The following RB1 variants were observed in gnomAD, a reference collection of about 807,000 sequenced individuals.
RB1 encodes RB transcriptional corepressor 1.
In RB1, 18 loss-of-function variants were observed where a neutral mutation model predicts 135.4. That is an observed-to-expected ratio of 0.13 (90% CI 0.09 to 0.20). The LOEUF is 0.20. Among genes scored for constraint, RB1 ranks in the 10% least tolerant of loss-of-function variants. The pLI, the probability that RB1 is intolerant of heterozygous loss-of-function variation, is 1.00. For synonymous variants in RB1, 365 were observed against 373.2 expected (o/e 0.98, Z 0.25); for missense variants, 868 against 1,110.0 (o/e 0.78, Z 3.10).
intron 2 of RB1, among the ~76,000 whole-genome samples, chr13:48,337,815 T>A (rs1593431502): frequency 1.3e-5 from 2 of 152,250 alleles, no homozygotes; most frequent in African/African-American, 4.8e-5. Context: ...CAGTGGCTGG[T>A]ACCAGCTGTT....
chr13:48,473,507 T>G (rs1220474774), intron 24 of RB1, 117 bp downstream of exon 24: 1 of 813,738 alleles, frequency 1.2e-6, no homozygotes, highest in East Asian at 2.5e-5. Flanking sequence ...TCCAGGCATA[T>G]TGCATAGAAT....
chr13:48,400,962 C>G (rs1409746660), intron 17 of RB1, among the ~76,000 whole-genome samples: 1 of 152,098 alleles, frequency 6.6e-6, no homozygotes, highest in African/African-American at 2.4e-5. Context: ...CCCCCATCAC[C>G]TTCTCAAAAT....
At chr13:48,316,879 C>T (rs1337325174) in intron 2 of RB1, 4 of 330,112 alleles carry the variant, frequency 1.2e-5, no homozygotes, top group African/African-American at 4.4e-5. Flanking sequence ...GCTGAGCTGC[C>T]GCCACTGTCC....
At chr13:48,335,048 G>A (rs1052332136) in intron 2 of RB1, among the ~76,000 whole-genome samples, 7 of 152,108 alleles carry the variant, frequency 4.6e-5, no homozygotes, top group East Asian at 1.9e-4. Flanking sequence ...AAAACTGTTC[G>A]TAATCCTACC....
chr13:48,359,136 G>T (rs1030732218), intron 6 of RB1, among the ~76,000 whole-genome samples: 2 of 151,968 alleles, frequency 1.3e-5, no homozygotes, highest in Non-Finnish European at 2.9e-5. Context: ...ATGACATGGA[G>T]CCATAAGCAA....
intron 17 of RB1, chr13:48,416,535 G>T (rs1273769789): frequency 2.0e-5 from 3 of 152,618 alleles, no homozygotes; most frequent in African/African-American, 7.2e-5. Context: ...CTAGCTGCAG[G>T]ATTTTTTCTT....
intron 6 of RB1, among the ~76,000 whole-genome samples, chr13:48,354,900 C>A (rs1039355381): frequency 6.6e-6 from 1 of 151,964 alleles, no homozygotes. Context: ...TATCTGTCAC[C>A]ATATACAAAA....
Position 48,436,661 on chromosome 13 carries a change from T to A in RB1, c.1696-16332T>A, listed in dbSNP as rs567734108. 3.3e-5 allele frequency among the ~76,000 whole-genome samples: 5 copies of A among 151,576 alleles called. No individual in the cohort carries two copies. In the South Asian group the frequency reaches 1.0e-3, roughly 32 times the overall value. ...TCTCTCTTAAAAAAAAAAATCATGA[T>A]AGTGGCTCAGCCAGCATATGTATTG... On this transcript the variant is annotated intron_variant, in intron 17 of 26. Transcript: ENST00000267163.
rs929113315 is a variant in RB1, at chr13:48,319,153, A to G, written c.264+11747A>G. 5.6e-5 allele frequency: 34 copies of G among 602,154 alleles called. 1 individual carries two copies. The highest frequency in any genetic ancestry group is 5.5e-4 in the South Asian group (34 of 61,912). 37.3% of individuals were successfully genotyped at this position (602,154 alleles called of 1,614,324 possible). On this transcript the variant is annotated intron_variant, in intron 2 of 26. Transcript: ENST00000267163. This position sits in a 1 kb window ranked among gnomAD's most constrained non-coding sequence, Gnocchi z 5.0. ...TGGTTTCCTTCGGGAGCTTGTGGGG[A>G]ATGGTCAGCGTCTAGGCACCCCGGG...
rs370734130 is a variant in RB1 at position 48,412,465 on chromosome 13, C to G, written c.1695+31022C>G. 2.4e-6 allele frequency: 3 copies of G among 1,271,730 alleles called. No individual in the cohort carries two copies. In the African/African-American group the frequency reaches 4.4e-5, roughly 19 times the overall value. 78.8% of individuals were successfully genotyped at this position (1,271,730 alleles called of 1,614,324 possible). A position where few individuals can be genotyped will look rare whatever the true frequency, so the allele number is the denominator to read the frequency against. The stretch of plus-strand genomic sequence containing the variant: ...ATTTTCAGTTTGGAAGCACTTTCAT[C>G]AGCTGCAGTCTCCTTTGGGATTCAG... On this transcript the variant is annotated intron_variant, in intron 17 of 26. Coordinates refer to ENST00000267163, the MANE Select transcript of RB1 (RefSeq NM_000321.3).
At chr13:48,477,312 T>G in intron 25 of RB1, 43 bp from the exon 26 acceptor site, 3 of 1,483,204 alleles carry the variant, frequency 2.0e-6, no homozygotes, top group Non-Finnish European at 2.8e-6. Flanking sequence ...AGTTTTCCAT[T>G]TATAAATACA....
Position 48,453,021 on chromosome 13 carries a change from A to T in RB1, c.1724A>T (p.Gln575Leu). The part of the protein sequence containing the change: ...SDSPLFDLIK[Q>L]SKDREGPTDH... ...TCACCTTTATTTGATCTTATTAAAC[A>T]ATCAAAGGACCGAGAAGGACCAACT... The change falls in exon 18 of 27, where the codon CAA becomes CTA. Residue 575 changes from glutamine (Q) to leucine (L), a missense_variant. By Grantham distance (113) the Gln-to-Leu change is moderately radical. Coordinates refer to ENST00000267163, the MANE Select transcript of RB1 (RefSeq NM_000321.3). The T allele has an allele frequency of 2.5e-6, 4 of 1,613,132 alleles. No homozygotes were observed. Among genetic ancestry groups the T allele is most frequent in the Non-Finnish European group, 3.4e-6 (4 of 1,179,608 alleles).
chr13:48,473,711 GA>G (rs1193385686), intron 24 of RB1, among the ~76,000 whole-genome samples: 2 of 152,104 alleles, frequency 1.3e-5, no homozygotes, highest in Non-Finnish European at 2.9e-5. Context: ...AAATGTGTGA[GA>G]TTTTTTTCTC....
Position 48,480,686 on chromosome 13 carries a change from CT to C in RB1, c.*619del, listed in dbSNP as rs1386545996. ...TGTGTGCTTGTTTTATAAAATTTTGCTTTTAATTAAATAAAAGCTGGAAGCA... is the reference window on the plus strand; with the variant it reads ...TGTGTGCTTGTTTTATAAAATTTTGCTTTAATTAAATAAAAGCTGGAAGCA... On this transcript the variant is annotated 3_prime_UTR_variant, in exon 27 of 27. Transcript: ENST00000267163. 1 of 225,840 alleles carries C rather than the reference CT, an allele frequency of 4.4e-6. No individual in the cohort carries two copies. The highest frequency in any genetic ancestry group is 8.8e-6 in the Non-Finnish European group (1 of 113,406). The allele number at this position is 225,840 out of a possible 1,614,324, so 14.0% of individuals were successfully genotyped here.
chr13:48,363,032 T>A (rs2138113183), intron 8 of RB1, 75 bp downstream of exon 8: 1 of 1,548,040 alleles, frequency 6.5e-7, no homozygotes. Context: ...AATATTTACT[T>A]CTTTTGTTAT....
intron 9 of RB1, among the ~76,000 whole-genome samples, chr13:48,365,563 G>A (rs1365362767): frequency 1.3e-5 from 2 of 152,246 alleles, no homozygotes; most frequent in East Asian, 3.9e-4. Context: ...ATGGTAAGAC[G>A]AAATATGTGG....
intron 17 of RB1, among the ~76,000 whole-genome samples, chr13:48,392,112 CTTTT>C (rs1948615324): frequency 6.6e-6 from 1 of 151,670 alleles, no homozygotes; most frequent in Non-Finnish European, 1.5e-5. Context: ...TGCCTTGTTT[CTTTT>C]TTTCTTTTTT....
chr13:48,422,946 G>C (rs1453563980), intron 17 of RB1, among the ~76,000 whole-genome samples: 3 of 152,072 alleles, frequency 2.0e-5, no homozygotes, highest in Non-Finnish European at 2.9e-5. Context: ...TTCAAGACCA[G>C]CCTAGGCAAC....
chr13:48,347,020 TG>T (rs1351517400), intron 4 of RB1, among the ~76,000 whole-genome samples: 1 of 152,050 alleles, frequency 6.6e-6, no homozygotes, highest in African/African-American at 2.4e-5. Context: ...GGTACAGTTC[TG>T]ATTTTTTTTC....
Sources: gnomAD v4.1 joint callset for allele counts (sites outside exome capture counted in the v4.1 genomes callset) on GRCh38, gnomAD v4.1.1 for gene constraint, Gnocchi (gnomAD v3.1) non-coding constraint, MANE v1.5 for transcripts, NCBI Gene and HGNC (gene_info 2026-07-23, HGNC 2026-07-21) for gene names.